The following STOX1 variants were observed in gnomAD, a reference collection of about 807,000 sequenced individuals.
STOX1 encodes storkhead box 1.
Under a neutral mutation model 74.8 loss-of-function variants are expected in STOX1, and 57 were observed. The ratio of observed to expected loss-of-function variants is 0.76; its 90% CI spans 0.62 to 0.95. The LOEUF is 0.95. Among genes scored for constraint, STOX1 ranks in the 40% least tolerant of loss-of-function variants. STOX1 has a pLI of 0.00. For synonymous variants in STOX1, 375 were observed against 401.3 expected (o/e 0.93, Z 0.78); for missense variants, 1,010 against 1,117.0 (o/e 0.90, Z 1.37).
intron 1 of STOX1, chr10:68,828,385 A>G: frequency 3.6e-6 from 3 of 830,392 alleles, no homozygotes; most frequent in Non-Finnish European, 4.6e-6. Context: ...CGCTGCTCTG[A>G]GGGCCCGGGG....
chr10:68,894,748 G>A (rs762746670), downstream of STOX1, among the ~76,000 whole-genome samples: 78 of 152,220 alleles, frequency 5.1e-4, 1 homozygote, highest in Middle Eastern at 3.4e-3. Flanking sequence ...AAATTTTTTT[G>A]AGACGGGGTC....
At chr10:68,856,088 A>G (rs2133548734) in intron 1 of STOX1, among the ~76,000 whole-genome samples, 1 of 152,180 alleles carries the variant, frequency 6.6e-6, no homozygotes, top group Admixed American at 6.5e-5. Flanking sequence ...GGAAGAGGGC[A>G]CAGGGTAGCA....
chr10:68,885,736 C>A lies in STOX1; in HGVS notation c.1940C>A (p.Ser647Tyr). ...CATAGTCTGCCATCACGAGGTGCCT[C>A]CTTTTCAGACCGAACACCCTCTGCT... ...TPHSLPSRGA[S>Y]FSDRTPSACR... The change falls in exon 3 of 4, where the codon TCC (serine) becomes TAC (tyrosine). Residue 647 changes from serine to tyrosine, a missense_variant. Coordinates refer to ENST00000298596, the MANE Select transcript of STOX1 (RefSeq NM_152709.5). The A allele has an allele frequency of 6.2e-7, 1 of 1,614,136 alleles. No individual in the cohort carries two copies. Among genetic ancestry groups the A allele is most frequent in the East Asian group, 2.2e-5 (1 of 44,886 alleles).
Position 68,878,289 on chromosome 10 carries a change from G to A in STOX1, c.311-3669G>A, listed in dbSNP as rs150509716. 8.8e-3 allele frequency among the ~76,000 whole-genome samples: 1,340 copies of A among 152,240 alleles called. 10 individuals are homozygous for A. The highest frequency in any genetic ancestry group is 0.068 in the Middle Eastern group (20 of 294). On this transcript the variant is annotated intron_variant, in intron 1 of 3. Transcript: ENST00000298596. ...GGTTGAGTGGGGAGATGAAAGCCAA[G>A]AAAGTAAAACTCAGATGAGGAAGGA...
chr10:68,882,812 T>C (rs1444910270), intron 2 of STOX1, among the ~76,000 whole-genome samples: 1 of 152,222 alleles, frequency 6.6e-6, no homozygotes, highest in East Asian at 1.9e-4. Flanking sequence ...TGGATCATTC[T>C]ATACATTCCC....
At position 68,886,195 on chromosome 10, in the gene STOX1, A is replaced by C; in HGVS notation, c.2399A>C (p.Tyr800Ser). The C allele has an allele frequency of 6.2e-7, 1 of 1,614,186 alleles. No individual in the cohort carries two copies. Among genetic ancestry groups the C allele is most frequent in the Non-Finnish European group, 8.5e-7 (1 of 1,180,014 alleles). ...ESQVLKRNEC[Y>S]KPTGLHATPG... ...CAGGTGCTTAAAAGAAATGAATGCT[A>C]CAAACCCACTGGGCTGCATGCTACC... Residue 800 changes from tyrosine (Y) to serine (S), a missense_variant, in exon 3 of 4, where the codon TAC (tyrosine) becomes TCC (serine). Coordinates refer to ENST00000298596, the MANE Select transcript of STOX1 (RefSeq NM_152709.5).
Position 68,884,836 on chromosome 10 carries a change from A to G in STOX1, c.1040A>G (p.Glu347Gly), listed in dbSNP as rs760037568. 2 of 1,614,104 alleles carry G rather than the reference A, an allele frequency of 1.2e-6. No homozygotes were observed. The highest frequency in any genetic ancestry group is 1.3e-5 in the African/African-American group (1 of 74,938). ...CCTGAAGAATGGCCCGTCCGAGATG[A>G]AGATGACTTGGACAATATCCCTCGA... Reference protein sequence around the residue: ...FPPEEWPVRDEDDLDNIPRDV... With the variant: ...FPPEEWPVRDGDDLDNIPRDV... Residue 347 changes from glutamate to glycine, a missense_variant, in exon 3 of 4, where the codon GAA (glutamate) becomes GGA (glycine). Glu to Gly is a moderately conservative substitution (Grantham distance 98). Coordinates refer to ENST00000298596, the MANE Select transcript of STOX1 (RefSeq NM_152709.5).
intron 1 of STOX1, among the ~76,000 whole-genome samples, chr10:68,839,919 CA>C (rs937341636): frequency 1.1e-4 from 16 of 151,920 alleles, no homozygotes; most frequent in African/African-American, 3.9e-4. Flanking sequence ...CACACACAAA[CA>C]AAACAAAAAC....
chr10:68,865,421 G>A (rs1018436674), intron 1 of STOX1, among the ~76,000 whole-genome samples: 6 of 152,346 alleles, frequency 3.9e-5, no homozygotes, highest in African/African-American at 1.2e-4. Flanking sequence ...AGGCCGAGGC[G>A]TGTGGATCAC....
At chr10:68,893,644 C>T (rs1398290331), downstream of STOX1, among the ~76,000 whole-genome samples, 2 of 152,196 alleles carry the variant, frequency 1.3e-5, no homozygotes, top group Non-Finnish European at 2.9e-5. Flanking sequence ...ATCTCGATCT[C>T]CTGACCTCGT....
intron 1 of STOX1, among the ~76,000 whole-genome samples, chr10:68,838,512 T>A (rs1211751296): frequency 6.6e-6 from 1 of 152,202 alleles, no homozygotes; most frequent in African/African-American, 2.4e-5. Context: ...TAAGATCATG[T>A]CATCTGTAAA....
intron 1 of STOX1, among the ~76,000 whole-genome samples, chr10:68,840,449 G>A (rs1646167820): frequency 6.6e-6 from 1 of 152,136 alleles, no homozygotes; most frequent in Non-Finnish European, 1.5e-5. Flanking sequence ...TGGTAGAGAT[G>A]AGGTTTCACC....
intron 1 of STOX1, among the ~76,000 whole-genome samples, chr10:68,854,913 TG>T (rs1554828673): frequency 1.1e-4 from 17 of 152,138 alleles, no homozygotes; most frequent in Non-Finnish European, 2.1e-4. Flanking sequence ...GAGACCAGCC[TG>T]GGCAACATAG....
chr10:68,865,319 T>C (rs1361409733), intron 1 of STOX1, among the ~76,000 whole-genome samples: 3 of 150,770 alleles, frequency 2.0e-5, no homozygotes, highest in East Asian at 1.9e-4. Context: ...GCTAAGGAGA[T>C]AGTAAAGAAA....
At chr10:68,847,236 T>G (rs1839875893) in intron 1 of STOX1, among the ~76,000 whole-genome samples, 1 of 152,096 alleles carries the variant, frequency 6.6e-6, no homozygotes, top group South Asian at 2.1e-4. Flanking sequence ...TTGAGGAGAA[T>G]TAGAACATCT....
chr10:68,868,176 T>C (rs1840455168), intron 1 of STOX1, among the ~76,000 whole-genome samples: 1 of 152,144 alleles, frequency 6.6e-6, no homozygotes, highest in Non-Finnish European at 1.5e-5. Context: ...GCTAGAGGAA[T>C]AAAGACACAG....
intron 1 of STOX1, among the ~76,000 whole-genome samples, chr10:68,833,385 C>T (rs146978595): frequency 7.8e-4 from 118 of 152,256 alleles, no homozygotes; most frequent in African/African-American, 2.7e-3. Context: ...GTAGACAAAA[C>T]TCCTCAGACA....
intron 1 of STOX1, among the ~76,000 whole-genome samples, chr10:68,873,069 C>A (rs1840574245): frequency 6.6e-6 from 1 of 151,740 alleles, no homozygotes; most frequent in South Asian, 2.1e-4. Context: ...CAGTGCAGTG[C>A]CATCATCATA....
chr10:68,894,998 A>G (rs34766020), downstream of STOX1, among the ~76,000 whole-genome samples: 16,094 of 152,302 alleles, frequency 0.11, 1,090 homozygotes, highest in Admixed American at 0.17. Flanking sequence ...TGCTGGAATT[A>G]CAGATGTGAG....
Sources: allele counts gnomAD v4.1 joint callset (sites outside exome capture counted in the v4.1 genomes callset), GRCh38; gene constraint gnomAD v4.1.1; transcripts MANE v1.5; gene names NCBI Gene and HGNC (gene_info 2026-07-23, HGNC 2026-07-21).